TXNRD2: variants seen among roughly 807,000 people sequenced by gnomAD.
TXNRD2 encodes thioredoxin reductase 2, mitochondrial.
In TXNRD2, 67 loss-of-function variants were observed where a neutral mutation model predicts 70.8. That is an observed-to-expected ratio of 0.95 (90% CI 0.78 to 1.16). The LOEUF (loss-of-function observed/expected upper bound fraction) is 1.16. Ranked by LOEUF, TXNRD2 falls within the 50% of genes most tolerant of loss-of-function variation. TXNRD2 has a pLI of 0.00. For synonymous variants in TXNRD2, 301 were observed against 295.8 expected, an observed-to-expected ratio of 1.02 and a Z score of -0.18; for missense variants, 644 against 719.9, an observed-to-expected ratio of 0.89 and a Z score of 1.21.
chr22:19,879,047 A>G (rs1938636249), intron 14 of TXNRD2, among the ~76,000 whole-genome samples: 2 of 152,282 alleles, frequency 1.3e-5, no homozygotes, highest in South Asian at 4.1e-4. Flanking sequence ...CTAAGACAGA[A>G]TTGAAAAGAA....
intron 7 of TXNRD2, among the ~76,000 whole-genome samples, chr22:19,911,790 C>T (rs1231815770): frequency 6.6e-6 from 1 of 152,180 alleles, no homozygotes; most frequent in African/African-American, 2.4e-5. Context: ...AGCTGGGACC[C>T]CTCAAGTCTG....
At chr22:19,915,870 A>G in intron 5 of TXNRD2, 27 bp from the exon 6 acceptor site, 1 of 1,599,574 alleles carries the variant, frequency 6.3e-7, no homozygotes, top group Non-Finnish European at 8.6e-7. Context: ...AGATTTTCAA[A>G]CACTTCCTCT....
intron 8 of TXNRD2, among the ~76,000 whole-genome samples, chr22:19,899,892 C>T (rs900061060): frequency 6.6e-6 from 1 of 152,154 alleles, no homozygotes; most frequent in Non-Finnish European, 1.5e-5. Flanking sequence ...GAACCTAACA[C>T]GAACAAGAAC....
intron 14 of TXNRD2, among the ~76,000 whole-genome samples, chr22:19,879,310 G>A (rs539063726): frequency 4.3e-4 from 65 of 152,288 alleles, no homozygotes; most frequent in African/African-American, 1.6e-3. Context: ...GCAGGCTCCG[G>A]TTTCTCTGGG....
At chr22:19,883,559 C>A in intron 11 of TXNRD2, 98 bp from the exon 12 acceptor site, 1 of 1,558,442 alleles carries the variant, frequency 6.4e-7, no homozygotes, top group South Asian at 1.1e-5. Context: ...ACTTAGAGAC[C>A]GGGTGCAGTG....
At chr22:19,922,354 G>C (rs538868042) in intron 2 of TXNRD2, among the ~76,000 whole-genome samples, 1 of 151,998 alleles carries the variant, frequency 6.6e-6, no homozygotes. Flanking sequence ...TGTCTGTCTC[G>C]GTAACTAAAC....
chr22:19,904,510 C>A (rs1052723627), intron 8 of TXNRD2, among the ~76,000 whole-genome samples: 1 of 152,182 alleles, frequency 6.6e-6, no homozygotes, highest in African/African-American at 2.4e-5. Context: ...AGTGGCCTCT[C>A]TGGGGCAAAA....
At chr22:19,933,173 G>T (rs1410006004) in intron 1 of TXNRD2, among the ~76,000 whole-genome samples, 3 of 152,226 alleles carry the variant, frequency 2.0e-5, no homozygotes, top group Non-Finnish European at 4.4e-5. Context: ...GTGCGCACCT[G>T]CGGGAACTGA....
intron 11 of TXNRD2, chr22:19,894,183 A>G (rs1448067020): frequency 6.6e-6 from 1 of 152,268 alleles, no homozygotes; most frequent in Non-Finnish European, 1.5e-5. Flanking sequence ...CAAACACTGC[A>G]TGATTCTACT....
At chr22:19,937,089 G>A (rs9606189) in intron 1 of TXNRD2, among the ~76,000 whole-genome samples, 5 of 152,144 alleles carry the variant, frequency 3.3e-5, no homozygotes, top group South Asian at 2.1e-4. Flanking sequence ...TATAGACTGC[G>A]ACCTTTTGGC....
intron 8 of TXNRD2, among the ~76,000 whole-genome samples, chr22:19,907,221 T>A (rs1940081848): frequency 1.4e-5 from 1 of 70,824 alleles, no homozygotes; most frequent in Non-Finnish European, 2.7e-5. Context: ...GTGGGCGCCG[T>A]GAGTAGCAGT....
At chr22:19,900,533 G>A (rs1030764635) in intron 8 of TXNRD2, among the ~76,000 whole-genome samples, 7 of 152,110 alleles carry the variant, frequency 4.6e-5, no homozygotes, top group African/African-American at 1.4e-4. Flanking sequence ...GGCAGATCAC[G>A]AGGTCAGGAG....
intron 11 of TXNRD2, among the ~76,000 whole-genome samples, chr22:19,888,430 T>A (rs1048897013): frequency 6.6e-6 from 1 of 152,238 alleles, no homozygotes; most frequent in Non-Finnish European, 1.5e-5. Context: ...GCCAGCCGCA[T>A]GCAGTATCAT....
intron 5 of TXNRD2, among the ~76,000 whole-genome samples, chr22:19,916,904 C>T (rs1354783709): frequency 6.6e-6 from 1 of 152,178 alleles, no homozygotes; most frequent in East Asian, 1.9e-4. Context: ...CCACTGCACC[C>T]GACCAACACT....
intron 10 of TXNRD2, among the ~76,000 whole-genome samples, chr22:19,896,193 G>A (rs1214985421): frequency 6.6e-6 from 1 of 151,848 alleles, no homozygotes; most frequent in African/African-American, 2.4e-5. Context: ...AGCTAACTGG[G>A]AGGCTGAGGC....
intron 10 of TXNRD2, among the ~76,000 whole-genome samples, 199 bp downstream of exon 10, chr22:19,897,840 G>A (rs779030007): frequency 9.2e-5 from 14 of 152,312 alleles, no homozygotes; most frequent in African/African-American, 1.2e-4. Context: ...GCAGCTGTGC[G>A]CCCCACTGCC....
At chr22:19,934,382 G>GAAAAAA (rs35669821) in intron 1 of TXNRD2, among the ~76,000 whole-genome samples, 8,994 of 93,392 alleles carry the variant, frequency 0.096, 701 homozygotes, top group East Asian at 0.18. Context: ...CTCTGTCTCA[G>GAAAAAA]AAAAAAAAAA....
chr22:19,931,018 C>G lies in TXNRD2; in HGVS notation c.172+12G>C, dbSNP rs775588476. The G allele has an allele frequency of 2.5e-6, 4 of 1,613,380 alleles. No homozygotes were observed. The Admixed American group carries it at 5.0e-5, about 20-fold the overall frequency. ...CTTCGAGGCCTTGCCACGAAGTATACAGAATACATACCCTCCTTGGCACAA... is the reference window on the plus strand; with the variant it reads ...CTTCGAGGCCTTGCCACGAAGTATAGAGAATACATACCCTCCTTGGCACAA... On this transcript the variant is annotated intron_variant, in intron 2 of 17. Coordinates refer to ENST00000400521, the MANE Select transcript of TXNRD2 (RefSeq NM_006440.5).
chr22:19,929,588 C>T (rs912926257), intron 2 of TXNRD2, among the ~76,000 whole-genome samples: 1 of 152,096 alleles, frequency 6.6e-6, no homozygotes. Flanking sequence ...CACAGAGGGA[C>T]GACAACTGCC....
Sources: gnomAD v4.1 joint callset for allele counts (sites outside exome capture counted in the v4.1 genomes callset) on GRCh38, gnomAD v4.1.1 for gene constraint, MANE v1.5 for transcripts, NCBI Gene and HGNC (gene_info 2026-07-23, HGNC 2026-07-21) for gene names.